The following SLC13A2 variants were observed in gnomAD, a reference collection of about 807,000 sequenced individuals.
SLC13A2 encodes Na(+)-coupled citrate transporter.
SLC13A2 carries 40 observed loss-of-function variants against 58.5 expected under a neutral mutation model. That is an observed-to-expected ratio of 0.68 (90% confidence interval 0.53 to 0.89). The LOEUF is 0.89. Ranked by LOEUF, SLC13A2 falls within the 40% of genes least tolerant of loss-of-function variation. The pLI is 0.00. For missense variants in SLC13A2, 694 were observed against 772.6 expected (o/e 0.90, Z 1.21); for synonymous variants, 341 against 331.6 (o/e 1.03, Z -0.31).
Position 28,497,144 on chromosome 17 carries a change from G to A in SLC13A2, c.1654G>A (p.Ala552Thr), listed in dbSNP as rs200484927. The A allele has an allele frequency of 4.1e-5, 66 of 1,613,794 alleles. No individual in the cohort carries two copies. The highest frequency in any genetic ancestry group is 1.6e-4 in the Middle Eastern group (1 of 6,084). ...LLNIIGVLII[A>T]LAINSWGIPL... ...CAACATCATTGGAGTCCTGATCATCGCACTGGCCATCAACAGCTGGGGCAT... is the reference window on the plus strand; with the variant it reads ...CAACATCATTGGAGTCCTGATCATCACACTGGCCATCAACAGCTGGGGCAT... Residue 552 changes from alanine to threonine, a missense_variant, in exon 12 of 12, where the codon GCA becomes ACA. Coordinates refer to ENST00000314669, the MANE Select transcript of SLC13A2 (RefSeq NM_003984.4).
chr17:28,489,857 T>C (rs2068968016), intron 2 of SLC13A2, among the ~76,000 whole-genome samples: 1 of 152,254 alleles, frequency 6.6e-6, no homozygotes, highest in Non-Finnish European at 1.5e-5. Context: ...CTAAAGTATC[T>C]ATCTCCCAGT....
rs980604163 is a variant in SLC13A2 at position 28,494,912 on chromosome 17, C to A, written c.1308+400C>A. Among the ~76,000 whole-genome samples the A allele has an allele frequency of 3.3e-5, 5 of 152,150 alleles. No homozygotes were observed. Among genetic ancestry groups the A allele is most frequent in the Admixed American group, 6.5e-5 (1 of 15,282 alleles). ...CAGGGGGCACCATGATCACACCCAC[C>A]CAGGCTCTGGGGACCAGAACATCTT... On this transcript the variant is annotated intron_variant, in intron 9 of 11. Coordinates refer to ENST00000314669, the MANE Select transcript of SLC13A2 (RefSeq NM_003984.4). The surrounding 1 kb of genome is among the most constrained non-coding windows in gnomAD (Gnocchi z 4.0).
rs566007228 is a variant in SLC13A2, at chr17:28,494,178, C to A, written c.1186+73C>A. ...CTTCAAGTATGTAATGTACCTTCCACCACACTTGGCAGGAGTAGGCAAAGC... is the reference window on the plus strand; with the variant it reads ...CTTCAAGTATGTAATGTACCTTCCAACACACTTGGCAGGAGTAGGCAAAGC... On this transcript the variant is annotated intron_variant, in intron 8 of 11. Coordinates refer to ENST00000314669, the MANE Select transcript of SLC13A2 (RefSeq NM_003984.4). This position sits in a 1 kb window ranked among gnomAD's most constrained non-coding sequence, Gnocchi z 4.0. The A allele has an allele frequency of 2.7e-6, 4 of 1,501,792 alleles. No individual in the cohort carries two copies. The African/African-American group carries it at 4.1e-5, about 16-fold the overall frequency. The allele number at this position is 1,501,792 out of a possible 1,614,324, so 93.0% of individuals were successfully genotyped here.
chr17:28,491,330 T>C, intron 4 of SLC13A2, 107 bp from the exon 5 acceptor site: 1 of 1,237,240 alleles, frequency 8.1e-7, no homozygotes, highest in Non-Finnish European at 1.1e-6. Context: ...CCAGCCCCGG[T>C]CTGGGCTGTT....
In SLC13A2 at chr17:28,477,421, C is replaced by A. The variant is rs953626702; in HGVS notation, c.102+3607C>A. 5.3e-5 allele frequency among the ~76,000 whole-genome samples: 8 copies of A among 151,640 alleles called. No individual in the cohort carries two copies. The South Asian group carries it at 1.0e-3, about 20-fold the overall frequency. On this transcript the variant is annotated intron_variant, in intron 1 of 11. Transcript: ENST00000314669. The stretch of plus-strand genomic sequence containing the variant: ...GTGTTAGCCAGGATGGTCTTGATCT[C>A]CTGACCTCGTGATCCGCCCGCCTTG...
At position 28,493,591 on chromosome 17, in the gene SLC13A2, T is replaced by A. The variant is rs782583493; in HGVS notation, c.899T>A (p.Ile300Asn). 1.6e-5 allele frequency: 26 copies of A among 1,606,126 alleles called. No homozygotes were observed. Among genetic ancestry groups the A allele is most frequent in the Non-Finnish European group, 2.2e-5 (26 of 1,173,688 alleles). ...TGCAGCTTCCGGAAGAACTTTGGCA[T>A]TGGGGAAAAGATGCAGGAGCAACAG... is the stretch of plus-strand genomic sequence containing the variant. ...LGFNFRKNFG[I>N]GEKMQEQQQA... Residue 300 changes from isoleucine (I) to asparagine (N), a missense_variant, in exon 7 of 12, where the codon ATT becomes AAT. Coordinates refer to ENST00000314669, the MANE Select transcript of SLC13A2 (RefSeq NM_003984.4).
At chr17:28,491,002 T>C (rs2069008000) in intron 4 of SLC13A2, 96 bp downstream of exon 4, 7 of 1,208,314 alleles carry the variant, frequency 5.8e-6, no homozygotes, top group South Asian at 4.7e-5. Flanking sequence ...CTTGGAGCCT[T>C]TGGGGAGAGA....
intron 6 of SLC13A2, among the ~76,000 whole-genome samples, chr17:28,492,273 T>C (rs1488947846): frequency 1.3e-5 from 2 of 152,188 alleles, no homozygotes; most frequent in African/African-American, 4.8e-5. Context: ...GCACAGTCCC[T>C]GTCCTTGTAG....
chr17:28,490,438 T>C lies in SLC13A2; in HGVS notation c.232-16T>C. ...CCAGGGTCTTCCCGCCGCTCAGCCA[T>C]GTCTCCACCTGCCAGGTTGCCGTCG... On this transcript the variant is annotated splice_polypyrimidine_tract_variant and intron_variant, in intron 2 of 11. Coordinates refer to ENST00000314669, the MANE Select transcript of SLC13A2 (RefSeq NM_003984.4). 6.2e-7 allele frequency: 1 copy of C among 1,614,114 alleles called. No individual in the cohort carries two copies. Among genetic ancestry groups the C allele is most frequent in the Non-Finnish European group, 8.5e-7 (1 of 1,180,008 alleles).
intron 1 of SLC13A2, among the ~76,000 whole-genome samples, chr17:28,488,070 CA>C: frequency 6.6e-6 from 1 of 152,278 alleles, no homozygotes; most frequent in Non-Finnish European, 1.5e-5. Context: ...GTGGGACCCC[CA>C]CACCCACTTT....
At chr17:28,493,992 C>T (rs1567859180) in intron 7 of SLC13A2, 25 bp from the exon 8 acceptor site, 4 of 1,609,344 alleles carry the variant, frequency 2.5e-6, no homozygotes, top group Non-Finnish European at 3.4e-6. Context: ...TAACCCAGCC[C>T]TCCCCGCGCC....
At chr17:28,481,271 A>T (rs1327425832) in intron 1 of SLC13A2, among the ~76,000 whole-genome samples, 1 of 152,184 alleles carries the variant, frequency 6.6e-6, no homozygotes, top group East Asian at 1.9e-4. Flanking sequence ...TTTCTCCAGC[A>T]CTCAAAAATT....
Position 28,491,752 on chromosome 17 carries a change from G to A in SLC13A2, c.778G>A (p.Val260Met), listed in dbSNP as rs782742301. ...INSLFPQNGN[V>M]VNFASWFSFA... ...CAGGCTCTTCCCCCAAAACGGCAACGTGGTGAACTTCGCCTCCTGGTTCAG... is the reference window on the plus strand; with the variant it reads ...CAGGCTCTTCCCCCAAAACGGCAACATGGTGAACTTCGCCTCCTGGTTCAG... The change falls in exon 6 of 12, where the codon GTG becomes ATG. Residue 260 changes from valine to methionine, a missense_variant. By Grantham distance (21) the Val-to-Met change is conservative. Coordinates refer to ENST00000314669, the MANE Select transcript of SLC13A2 (RefSeq NM_003984.4). The A allele has an allele frequency of 1.4e-4, 226 of 1,614,094 alleles. No individual in the cohort carries two copies. The highest frequency in any genetic ancestry group is 2.2e-4 in the East Asian group (10 of 44,890).
intron 1 of SLC13A2, among the ~76,000 whole-genome samples, chr17:28,478,963 G>A (rs1454965931): frequency 2.6e-5 from 4 of 152,138 alleles, no homozygotes; most frequent in Non-Finnish European, 4.4e-5. Context: ...TGAGGAGGGT[G>A]TTCCAACACT....
intron 2 of SLC13A2, among the ~76,000 whole-genome samples, chr17:28,490,144 C>T (rs546589657): frequency 6.6e-6 from 1 of 152,046 alleles, no homozygotes; most frequent in Non-Finnish European, 1.5e-5. Flanking sequence ...CATGGTGGTG[C>T]GTGCCTGTAG....
chr17:28,483,194 G>A (rs1360824319), intron 1 of SLC13A2, among the ~76,000 whole-genome samples: 1 of 152,188 alleles, frequency 6.6e-6, no homozygotes, highest in Admixed American at 6.5e-5. Context: ...CACACCCCGG[G>A]TCCGGAGTCT....
intron 1 of SLC13A2, among the ~76,000 whole-genome samples, chr17:28,487,052 C>A (rs1222136728): frequency 6.6e-6 from 1 of 152,208 alleles, no homozygotes; most frequent in Non-Finnish European, 1.5e-5. Context: ...CCCCCCACGG[C>A]CTCCCAGAGT....
Position 28,493,552 on chromosome 17 carries a change from C to T in SLC13A2, c.879-19C>T, listed in dbSNP as rs782156600. 21 of 1,585,062 alleles carry T rather than the reference C, an allele frequency of 1.3e-5. No individual in the cohort carries two copies. Among genetic ancestry groups the T allele is most frequent in the Non-Finnish European group, 1.8e-5 (21 of 1,162,754 alleles). ...CTGGAGCAGGCCCCCCACGAGCTGC[C>T]CCGTCCCTCTGCCTGCAGCTTCCGG... On this transcript the variant is annotated intron_variant, in intron 6 of 11. Coordinates refer to ENST00000314669, the MANE Select transcript of SLC13A2 (RefSeq NM_003984.4).
At chr17:28,476,162 G>A (rs539050476) in intron 1 of SLC13A2, among the ~76,000 whole-genome samples, 24 of 152,076 alleles carry the variant, frequency 1.6e-4, no homozygotes, top group African/African-American at 2.2e-4. Context: ...TCCTTTCCAC[G>A]TGCAGCAGAA....
Sources: gnomAD v4.1 joint callset for allele counts (sites outside exome capture counted in the v4.1 genomes callset) on GRCh38, gnomAD v4.1.1 for gene constraint, Gnocchi (gnomAD v3.1) non-coding constraint, MANE v1.5 for transcripts, NCBI Gene and HGNC (gene_info 2026-07-23, HGNC 2026-07-21) for gene names.